HERPUD1: variants seen among roughly 807,000 people sequenced by gnomAD.
HERPUD1 encodes the protein homocysteine-responsive endoplasmic reticulum-resident ubiquitin-like domain member 1 protein.
HERPUD1 carries 17 observed loss-of-function variants against 45.0 expected under a neutral mutation model. That is an observed-to-expected ratio of 0.38 (90% CI 0.26 to 0.57). HERPUD1 has a LOEUF of 0.57. Ranked by LOEUF, HERPUD1 falls within the 20% of genes least tolerant of loss-of-function variation. The pLI is 0.72. For synonymous variants in HERPUD1, 164 were observed against 177.5 expected (o/e 0.92, Z 0.61); for missense variants, 420 against 490.5 (o/e 0.86, Z 1.36).
Position 56,935,147 on chromosome 16 carries a change from A to C in HERPUD1, c.148-88A>C, listed in dbSNP as rs1229181388. The C allele has an allele frequency of 4.5e-6, 4 of 881,084 alleles. No homozygotes were observed. The East Asian group carries it at 7.5e-5, about 16-fold the overall frequency. 54.6% of individuals were successfully genotyped at this position (881,084 alleles called of 1,614,324 possible). Reference sequence around the variant, plus strand: ...TGCTGGGGGGAAACACACATATTCAAATTACTTGTATAAAACAGTTTATTC... The same window carrying C: ...TGCTGGGGGGAAACACACATATTCACATTACTTGTATAAAACAGTTTATTC... On this transcript the variant is annotated intron_variant, in intron 1 of 7. Coordinates refer to ENST00000439977, the MANE Select transcript of HERPUD1 (RefSeq NM_014685.4).
At chr16:56,942,378 G>A in intron 7 of HERPUD1, 141 bp downstream of exon 7, 1 of 607,818 alleles carries the variant, frequency 1.6e-6, no homozygotes, top group Non-Finnish European at 2.9e-6. Flanking sequence ...TCTTCTTAGA[G>A]CAGCAGCTAT....
At chr16:56,933,568 A>G (rs553763025) in intron 1 of HERPUD1, among the ~76,000 whole-genome samples, 13 of 152,328 alleles carry the variant, frequency 8.5e-5, no homozygotes, top group African/African-American at 3.1e-4. Context: ...TCCTTTGATG[A>G]GGAATGCCGC....
chr16:56,943,000 C>G, intron 7 of HERPUD1, 126 bp from the exon 8 acceptor site: 1 of 939,096 alleles, frequency 1.1e-6, no homozygotes, highest in Non-Finnish European at 1.6e-6. Context: ...TCCTGGCTGC[C>G]TGCTGCTGTG....
rs147770832 is a variant in HERPUD1, at chr16:56,936,363, C to T, written c.301-324C>T. On this transcript the variant is annotated intron_variant, in intron 3 of 7. Transcript: ENST00000439977. ...TGTGGGCTGGGTTGTATTTATAAAT[C>T]TTGTTGGTCAGATGTCTGCAATGAG... The T allele has an allele frequency of 4.7e-4, 78 of 166,938 alleles. No individual in the cohort carries two copies. The East Asian group carries it at 0.012, about 26-fold the overall frequency. 10.3% of individuals were successfully genotyped at this position (166,938 alleles called of 1,614,324 possible). A position where few individuals can be genotyped will look rare whatever the true frequency, so the allele number is the denominator to read the frequency against.
At chr16:56,940,531 C>G (rs542389302) in intron 6 of HERPUD1, 11 of 323,996 alleles carry the variant, frequency 3.4e-5, no homozygotes, top group African/African-American at 2.1e-4. Context: ...GTCTCGAACT[C>G]CTGACCTCAA....
chr16:56,941,605 A>G (rs2055910252), intron 6 of HERPUD1: 1 of 152,258 alleles, frequency 6.6e-6, no homozygotes, highest in South Asian at 2.1e-4. Flanking sequence ...GCTTTTAAAA[A>G]TAAAAAAGGA....
intron 1 of HERPUD1, 38 bp downstream of exon 1, chr16:56,932,429 C>G: frequency 6.7e-7 from 1 of 1,490,748 alleles, no homozygotes; most frequent in Non-Finnish European, 8.9e-7. Context: ...TAGGCTGTGG[C>G]CCCCCGCCCT....
At chr16:56,943,028 A>G (rs1472212832) in intron 7 of HERPUD1, 98 bp from the exon 8 acceptor site, 5 of 1,263,446 alleles carry the variant, frequency 4.0e-6, no homozygotes, top group Admixed American at 1.9e-5. Context: ...GGCAGGGGGC[A>G]GGGATTTACC....
Position 56,932,184 on chromosome 16 carries a change from TGAGA to T in HERPUD1, c.-60_-57del. The T allele has an allele frequency of 1.3e-6, 2 of 1,579,528 alleles. No homozygotes were observed. Among genetic ancestry groups the T allele is most frequent in the South Asian group, 1.1e-5 (1 of 88,406 alleles). ...TGTCGTTGCAGAGATTGCGGGCGGC[TGAGA>T]CGCCGCCTGCCTGGCACCTAGGAGC... is the stretch of plus-strand genomic sequence containing the variant. On this transcript the variant is annotated 5_prime_UTR_variant, in exon 1 of 8. Transcript: ENST00000439977.
At chr16:56,939,203 C>T (rs2055889593) in intron 4 of HERPUD1, 34 bp from the exon 5 acceptor site, 1 of 1,609,082 alleles carries the variant, frequency 6.2e-7, no homozygotes, top group Admixed American at 1.7e-5. Context: ...ACTCAACCCA[C>T]TCAAAATGAG....
rs752630676 is a variant in HERPUD1 at position 56,942,243 on chromosome 16, G to A, written c.1011+6G>A. The A allele has an allele frequency of 3.1e-6, 5 of 1,601,802 alleles. No individual in the cohort carries two copies. The highest frequency in any genetic ancestry group is 4.5e-5 in the East Asian group (2 of 44,822). ...ACCCCAACAATAACTTACAGGTATG[G>A]AGCCTCCCACGAAGCCCAGGCGAGC... On this transcript the variant is annotated splice_donor_region_variant and intron_variant, in intron 7 of 7. Transcript: ENST00000439977.
chr16:56,936,814 C>T lies in HERPUD1; in HGVS notation c.428C>T (p.Ser143Leu), dbSNP rs1327192549. The T allele has an allele frequency of 6.2e-7, 1 of 1,613,550 alleles. No individual in the cohort carries two copies. Among genetic ancestry groups the T allele is most frequent in the Admixed American group, 1.7e-5 (1 of 59,972 alleles). Residue 143 changes from serine to leucine, a missense_variant, in exon 4 of 8, where the codon TCA becomes TTA. Coordinates refer to ENST00000439977, the MANE Select transcript of HERPUD1 (RefSeq NM_014685.4). The part of the protein sequence containing the change: ...NLSSPGWENI[S>L]RPEAAQQAFQ... ...TCTTCCCCTGGATGGGAAAACATCTCAAGGTGAGTGTTATAATAAAGATCT... is the reference window on the plus strand; with the variant it reads ...TCTTCCCCTGGATGGGAAAACATCTTAAGGTGAGTGTTATAATAAAGATCT...
chr16:56,932,352 C>T lies in HERPUD1; in HGVS notation c.108C>T (p.His36=), dbSNP rs1326813184. The T allele has an allele frequency of 6.3e-7, 1 of 1,599,846 alleles. No individual in the cohort carries two copies. ...LSGDRGWSVG[H]LKAHLSRVYP... is the part of the protein sequence containing the mutation. ...GCGACCGCGGCTGGAGTGTGGGCCA[C>T]CTCAAGGCCCACCTGAGCCGCGTCT... Residue 36 remains histidine, a synonymous_variant, in exon 1 of 8, where the codon CAC becomes CAT. Coordinates refer to ENST00000439977, the MANE Select transcript of HERPUD1 (RefSeq NM_014685.4).
chr16:56,932,391 G>A lies in HERPUD1; in HGVS notation c.147G>A (p.Pro49=), dbSNP rs1190911430. 4.4e-6 allele frequency: 7 copies of A among 1,577,248 alleles called. No individual in the cohort carries two copies. In the Admixed American group the frequency reaches 5.4e-5, roughly 12 times the overall value. Residue 49 remains proline, a splice_region_variant and synonymous_variant, in exon 1 of 8, where the codon CCG becomes CCA. Coordinates refer to ENST00000439977, the MANE Select transcript of HERPUD1 (RefSeq NM_014685.4). The part of the protein sequence containing the change: ...AHLSRVYPER[P]RPEDQRLIYS... ...TGAGCCGCGTCTACCCCGAGCGTCC[G>A]GTGAGAGCGGCCCCGACTTCCCGCC...
chr16:56,940,318 T>G, intron 6 of HERPUD1, 73 bp downstream of exon 6: 1 of 1,145,422 alleles, frequency 8.7e-7, no homozygotes, highest in Non-Finnish European at 1.3e-6. Flanking sequence ...CTCTTTTTGT[T>G]TCTTGTTTTT....
chr16:56,936,596 G>A (rs2055868156), intron 3 of HERPUD1, 91 bp from the exon 4 acceptor site: 2 of 1,270,310 alleles, frequency 1.6e-6, no homozygotes, highest in South Asian at 2.2e-5. Context: ...GGTAGGAGAT[G>A]TAAGCCCTTG....
chr16:56,940,425 G>A (rs559219653), intron 6 of HERPUD1, 180 bp downstream of exon 6: 3 of 580,072 alleles, frequency 5.2e-6, no homozygotes, highest in East Asian at 5.8e-5. Context: ...TCCTGCCTCA[G>A]CCTCCTGGGT....
intron 6 of HERPUD1, among the ~76,000 whole-genome samples, chr16:56,940,701 C>T: frequency 6.6e-6 from 1 of 152,006 alleles, no homozygotes; most frequent in Non-Finnish European, 1.5e-5. Flanking sequence ...GTGGCTCACA[C>T]CTGTAATCCC....
At chr16:56,939,394 G>A in intron 5 of HERPUD1, 35 bp downstream of exon 5, 1 of 1,612,638 alleles carries the variant, frequency 6.2e-7, no homozygotes, top group Non-Finnish European at 8.5e-7. Context: ...TGTGGCCAGG[G>A]CTCCCGGGAA....
Sources: gnomAD v4.1 joint callset for allele counts (sites outside exome capture counted in the v4.1 genomes callset) on GRCh38, gnomAD v4.1.1 for gene constraint, MANE v1.5 for transcripts, NCBI Gene and HGNC (gene_info 2026-07-23, HGNC 2026-07-21) for gene names.